Variants in KIRREL1 observed in about 807,000 individuals in gnomAD.
KIRREL1 encodes the protein kin of IRRE-like protein 1.
KIRREL1 carries 25 observed loss-of-function variants against 83.3 expected under a neutral mutation model. The ratio of observed to expected loss-of-function variants is 0.30; its 90% CI spans 0.22 to 0.42. The LOEUF is 0.42. KIRREL1 is among the 10% of genes least tolerant of loss of function. The pLI is 1.00. For missense variants in KIRREL1, 812 were observed against 1,032.3 expected (o/e 0.79, Z 2.92); for synonymous variants, 388 against 410.4 (o/e 0.95, Z 0.66).
At chr1:158,016,570 GATA>G (rs1320892053) in intron 1 of KIRREL1, among the ~76,000 whole-genome samples, 2 of 152,118 alleles carry the variant, frequency 1.3e-5, no homozygotes, top group Non-Finnish European at 2.9e-5. Context: ...GCATCATGGT[GATA>G]ATAATGATGA....
chr1:158,049,425 G>A (rs956569269), intron 1 of KIRREL1, among the ~76,000 whole-genome samples: 2 of 152,182 alleles, frequency 1.3e-5, no homozygotes, highest in Admixed American at 1.3e-4. Flanking sequence ...TCCTGAGGGG[G>A]TGCACCCGCA....
At chr1:158,033,433 CG>C (rs1407262763) in intron 1 of KIRREL1, among the ~76,000 whole-genome samples, 24 of 152,158 alleles carry the variant, frequency 1.6e-4, no homozygotes, top group Admixed American at 1.5e-3. Context: ...AAGGAAACAT[CG>C]GGGCTTTCCA....
intron 1 of KIRREL1, among the ~76,000 whole-genome samples, chr1:158,044,319 G>A (rs1480145798): frequency 6.6e-6 from 1 of 152,182 alleles, no homozygotes; most frequent in Non-Finnish European, 1.5e-5. Flanking sequence ...ACAGTCATCT[G>A]TACTGACTGG....
At chr1:158,051,509 T>A (rs369726128) in intron 1 of KIRREL1, among the ~76,000 whole-genome samples, 1 of 152,224 alleles carries the variant, frequency 6.6e-6, no homozygotes, top group South Asian at 2.1e-4. Flanking sequence ...GTAACCAGCA[T>A]GTAGCCGCAT....
rs137975901 is a variant in KIRREL1, at chr1:158,050,913, G to A, written c.53-25200G>A. On this transcript the variant is annotated intron_variant, in intron 1 of 14. Coordinates refer to ENST00000359209, the MANE Select transcript of KIRREL1 (RefSeq NM_018240.7). ...AAGATTAGTCTATTTGATCCGTCCC[G>A]GTCTCACTATCTACACTTTACCAAA... Among the ~76,000 whole-genome samples the A allele has an allele frequency of 3.0e-4, 46 of 152,096 alleles. 1 individual carries two copies. Among genetic ancestry groups the A allele is most frequent in the South Asian group, 1.0e-3 (5 of 4,808 alleles).
At chr1:158,005,049 A>T (rs1659477157) in intron 1 of KIRREL1, among the ~76,000 whole-genome samples, 1 of 152,202 alleles carries the variant, frequency 6.6e-6, no homozygotes, top group Non-Finnish European at 1.5e-5. Flanking sequence ...ACATCTGGGG[A>T]TCTTGTTAAA....
chr1:158,073,169 C>A (rs1661568298), intron 1 of KIRREL1, among the ~76,000 whole-genome samples: 1 of 152,126 alleles, frequency 6.6e-6, no homozygotes, highest in African/African-American at 2.4e-5. Context: ...GGCCCAGGGT[C>A]TAGGCTGCCT....
At chr1:158,047,621 C>T (rs1660809094) in intron 1 of KIRREL1, among the ~76,000 whole-genome samples, 1 of 152,156 alleles carries the variant, frequency 6.6e-6, no homozygotes, top group Non-Finnish European at 1.5e-5. Context: ...TTCTAATCCT[C>T]CCCACAGCCT....
At position 158,076,482 on chromosome 1, in the gene KIRREL1, C is replaced by T. The variant is rs943888963; in HGVS notation, c.202+220C>T. 6.6e-5 allele frequency among the ~76,000 whole-genome samples: 10 copies of T among 152,320 alleles called. No individual in the cohort carries two copies. The East Asian group carries it at 1.4e-3, about 21-fold the overall frequency. On this transcript the variant is annotated intron_variant, in intron 2 of 14. Coordinates refer to ENST00000359209, the MANE Select transcript of KIRREL1 (RefSeq NM_018240.7). ...GAGGACTGACTTGAGGAAGGCAGTA[C>T]GAAGCCTGAGAGGTCAAGGGAAACC... is the stretch of plus-strand genomic sequence containing the variant.
At chr1:158,086,830 A>T in intron 5 of KIRREL1, 84 bp downstream of exon 5, 9 of 1,272,242 alleles carry the variant, frequency 7.1e-6, no homozygotes, top group Non-Finnish European at 8.8e-6. Context: ...TTTGAGAAAC[A>T]CAAACTAAGA....
At chr1:158,052,178 C>T (rs1284363753) in intron 1 of KIRREL1, among the ~76,000 whole-genome samples, 3 of 152,164 alleles carry the variant, frequency 2.0e-5, no homozygotes, top group African/African-American at 4.8e-5. Flanking sequence ...TCTCTTCCCT[C>T]TCTTCTCTTG....
intron 1 of KIRREL1, among the ~76,000 whole-genome samples, chr1:157,994,965 C>G (rs1170099253): frequency 1.3e-5 from 2 of 152,206 alleles, no homozygotes; most frequent in African/African-American, 4.8e-5. Context: ...AGGACACACG[C>G]TCTCACAGAA....
rs757191724 is a variant in KIRREL1 at position 158,097,164 on chromosome 1, A to G, written c.*2044A>G. ...TCCCTGGAAGCTGATACCTTTCTAT[A>G]GAGTCCTTTTATGAGAGCTCAGTGG... On this transcript the variant is annotated 3_prime_UTR_variant, in exon 15 of 15. Transcript: ENST00000359209. 12 of 432,934 alleles carry G rather than the reference A, an allele frequency of 2.8e-5. No homozygotes were observed. Among genetic ancestry groups the G allele is most frequent in the South Asian group, 1.7e-4 (10 of 59,376 alleles). The allele number at this position is 432,934 out of a possible 1,614,324, so 26.8% of individuals were successfully genotyped here. A position where few individuals can be genotyped will look rare whatever the true frequency, so the allele number is the denominator to read the frequency against.
At chr1:158,083,833 T>C (rs1231956336) in intron 3 of KIRREL1, among the ~76,000 whole-genome samples, 2 of 152,056 alleles carry the variant, frequency 1.3e-5, no homozygotes, top group Non-Finnish European at 2.9e-5. Flanking sequence ...TGAGCAACTG[T>C]AGGGGTATGG....
intron 1 of KIRREL1, among the ~76,000 whole-genome samples, chr1:158,018,526 G>A (rs1659903968): frequency 6.6e-6 from 1 of 152,316 alleles, no homozygotes; most frequent in South Asian, 2.1e-4. Context: ...AGGGAAGCAA[G>A]GTTCTAATTG....
intron 1 of KIRREL1, among the ~76,000 whole-genome samples, chr1:158,064,832 T>C (rs967636016): frequency 1.2e-4 from 19 of 152,046 alleles, no homozygotes; most frequent in Admixed American, 6.5e-5. Context: ...GCCCCATACC[T>C]TCCCGTATTA....
chr1:158,073,184 A>T (rs1270076452), intron 1 of KIRREL1, among the ~76,000 whole-genome samples: 2 of 152,072 alleles, frequency 1.3e-5, no homozygotes, highest in Non-Finnish European at 2.9e-5. Context: ...CTGCCTTTCC[A>T]TCCAATTAAA....
At chr1:158,035,261 T>C (rs1356880376) in intron 1 of KIRREL1, among the ~76,000 whole-genome samples, 2 of 152,226 alleles carry the variant, frequency 1.3e-5, no homozygotes, top group African/African-American at 4.8e-5. Flanking sequence ...CCCTTGGGAC[T>C]AGGGCCCCAG....
chr1:158,091,286 T>G, intron 10 of KIRREL1, 72 bp from the exon 11 acceptor site: 1 of 1,434,606 alleles, frequency 7.0e-7, no homozygotes, highest in Non-Finnish European at 9.6e-7. Context: ...TGAGGGTGGA[T>G]CAGGGGACAC....
Sources: allele counts gnomAD v4.1 joint callset (sites outside exome capture counted in the v4.1 genomes callset), GRCh38; gene constraint gnomAD v4.1.1; transcripts MANE v1.5; gene names NCBI Gene and HGNC (gene_info 2026-07-23, HGNC 2026-07-21).